The following SYT2 variants were observed in gnomAD, a reference collection of about 807,000 sequenced individuals.
SYT2 encodes synaptotagmin 2.
SYT2 carries 15 observed loss-of-function variants against 39.9 expected under a neutral mutation model. That is an observed-to-expected ratio of 0.38 (90% CI 0.25 to 0.58). The LOEUF is 0.58. Ranked by LOEUF, SYT2 falls within the 20% of genes least tolerant of loss-of-function variation. The probability of loss-of-function intolerance (pLI) is 0.70; values close to 1 mark genes in which losing one functional copy is unlikely to be tolerated. For missense variants in SYT2, 389 were observed against 530.3 expected (o/e 0.73, Z 2.62); for synonymous variants, 181 against 204.5 (o/e 0.89, Z 0.98).
At chr1:202,613,093 T>TC (rs1690933947) in intron 1 of SYT2, among the ~76,000 whole-genome samples, 1 of 88,388 alleles carries the variant, frequency 1.1e-5, no homozygotes, top group Non-Finnish European at 2.6e-5. Context: ...TTTTTTTTTT[T>TC]TTTTCCAGAC....
rs1403578201 is a variant in SYT2, at chr1:202,592,535, T to C, written c.*4222A>G. ...CCATGCGGCTATTTACAGAAAGTTA[T>C]AGACATGCATCTTGATTAAACAAGA... On this transcript the variant is annotated 3_prime_UTR_variant, in exon 9 of 9. Transcript: ENST00000367268. 3 of 152,272 alleles carry C rather than the reference T, an allele frequency of 2.0e-5. No individual in the cohort carries two copies. Among genetic ancestry groups the C allele is most frequent in the Non-Finnish European group, 4.4e-5 (3 of 68,054 alleles). 9.4% of individuals were successfully genotyped at this position (152,272 alleles called of 1,614,324 possible). A position where few individuals can be genotyped will look rare whatever the true frequency, so the allele number is the denominator to read the frequency against.
chr1:202,621,721 C>A (rs567867707), intron 1 of SYT2, among the ~76,000 whole-genome samples: 1 of 152,188 alleles, frequency 6.6e-6, no homozygotes, highest in Non-Finnish European at 1.5e-5. Context: ...ACCTGCCCCC[C>A]TCACCCTCAG....
intron 1 of SYT2, among the ~76,000 whole-genome samples, chr1:202,627,280 T>C (rs1448976938): frequency 1.3e-5 from 2 of 152,188 alleles, no homozygotes; most frequent in Non-Finnish European, 2.9e-5. Flanking sequence ...GAACGTGCCT[T>C]GTTTACGACT....
intron 1 of SYT2, among the ~76,000 whole-genome samples, chr1:202,680,439 G>T (rs1305917187): frequency 6.6e-6 from 1 of 152,164 alleles, no homozygotes; most frequent in Non-Finnish European, 1.5e-5. Flanking sequence ...CACTCTGGGA[G>T]GCCAAGGCAG....
intron 1 of SYT2, among the ~76,000 whole-genome samples, chr1:202,616,935 C>A (rs1207207967): frequency 3.3e-5 from 5 of 152,226 alleles, no homozygotes; most frequent in Non-Finnish European, 7.3e-5. Context: ...TCTCCTCTTG[C>A]TCGCCTCCAG....
At chr1:202,671,037 G>A (rs2149109179) in intron 1 of SYT2, among the ~76,000 whole-genome samples, 1 of 152,296 alleles carries the variant, frequency 6.6e-6, no homozygotes, top group Non-Finnish European at 1.5e-5. Context: ...AATCCTTTGT[G>A]ATAAGCAGCC....
intron 1 of SYT2, chr1:202,636,465 A>G: frequency 6.7e-6 from 6 of 890,674 alleles, no homozygotes; most frequent in Admixed American, 6.2e-5. Context: ...ATCCCAGGAC[A>G]TCTTGGGAGA....
rs1180268509 is a variant in SYT2 at position 202,595,813 on chromosome 1, A to C, written c.*944T>G. ...GGAGTTTAATTTTGGTCTTTCTGGT[A>C]ATGGGACTTCTGTTTCTTCATAGTT... On this transcript the variant is annotated 3_prime_UTR_variant, in exon 9 of 9. Coordinates refer to ENST00000367268, the MANE Select transcript of SYT2 (RefSeq NM_177402.5). The C allele has an allele frequency of 2.0e-5, 3 of 152,224 alleles. No homozygotes were observed. Among genetic ancestry groups the C allele is most frequent in the Admixed American group, 6.5e-5 (1 of 15,286 alleles). The allele number at this position is 152,224 out of a possible 1,614,324, so 9.4% of individuals were successfully genotyped here.
rs555751589 is a variant in SYT2 at position 202,625,418 on chromosome 1, G to A, written c.-17-19629C>T. ...GTGTGTAGTAGGGTGTGTGTGTGGC[G>A]TGGACTGGGAGTGTAAGGGGAGGGG... On this transcript the variant is annotated intron_variant, in intron 1 of 8. Coordinates refer to ENST00000367268, the MANE Select transcript of SYT2 (RefSeq NM_177402.5). Among the ~76,000 whole-genome samples, 272 of 149,942 alleles carry A rather than the reference G, an allele frequency of 1.8e-3. 2 individuals carry two copies. The highest frequency in any genetic ancestry group is 6.2e-3 in the African/African-American group (252 of 40,510).
chr1:202,610,068 G>T (rs1215105523), intron 1 of SYT2, among the ~76,000 whole-genome samples: 10 of 152,072 alleles, frequency 6.6e-5, no homozygotes, highest in Non-Finnish European at 1.3e-4. Context: ...TTTGTATAAG[G>T]TGTAAGGAAG....
At chr1:202,613,067 CCTTTTT>C (rs1213617458) in intron 1 of SYT2, among the ~76,000 whole-genome samples, 38,219 of 120,938 alleles carry the variant, frequency 0.32, 6,316 homozygotes, top group Non-Finnish European at 0.35. Context: ...ATTGGTTCTT[CCTTTTT>C]TTTTTTTTTT....
intron 1 of SYT2, among the ~76,000 whole-genome samples, chr1:202,696,461 C>A (rs1653976048): frequency 6.6e-6 from 1 of 152,204 alleles, no homozygotes; most frequent in Non-Finnish European, 1.5e-5. Context: ...TTACTTCATT[C>A]CAATGATCAT....
chr1:202,648,428 C>T (rs779287197), intron 1 of SYT2, among the ~76,000 whole-genome samples: 3 of 152,220 alleles, frequency 2.0e-5, no homozygotes, highest in Non-Finnish European at 2.9e-5. Flanking sequence ...GCGATCTGCC[C>T]ACCTTGGCCT....
At chr1:202,639,180 C>T (rs2149095575) in intron 1 of SYT2, among the ~76,000 whole-genome samples, 1 of 152,302 alleles carries the variant, frequency 6.6e-6, no homozygotes, top group South Asian at 2.1e-4. Context: ...TATGCTAGTT[C>T]TTTAATTTTC....
At chr1:202,661,228 C>T (rs532659158) in intron 1 of SYT2, among the ~76,000 whole-genome samples, 16 of 152,042 alleles carry the variant, frequency 1.1e-4, no homozygotes, top group African/African-American at 3.9e-4. Flanking sequence ...GAAGAGATAG[C>T]CCTTAGGACC....
chr1:202,696,474 T>C (rs1188886410), intron 1 of SYT2, among the ~76,000 whole-genome samples: 1 of 144,092 alleles, frequency 6.9e-6, no homozygotes, highest in Non-Finnish European at 1.6e-5. Flanking sequence ...ATGATCATAA[T>C]TGTAATTAAA....
Position 202,599,410 on chromosome 1 carries a change from G to C in SYT2, c.920-59C>G. ...CCCCTTAGCCCCCAGCCTTCCTGCCGAATGTACCAAGGCCTGCCCAGAGCA... is the reference window on the plus strand; with the variant it reads ...CCCCTTAGCCCCCAGCCTTCCTGCCCAATGTACCAAGGCCTGCCCAGAGCA... On this transcript the variant is annotated intron_variant, in intron 7 of 8. Transcript: ENST00000367268. The surrounding 1 kb of genome is among the most constrained non-coding windows in gnomAD (Gnocchi z 4.4). 6.5e-7 allele frequency: 1 copy of C among 1,540,324 alleles called. No individual in the cohort carries two copies. The highest frequency in any genetic ancestry group is 8.7e-7 in the Non-Finnish European group (1 of 1,150,512).
chr1:202,685,186 A>G lies in SYT2; in HGVS notation c.-18+25072T>C, dbSNP rs941719139. 4.6e-5 allele frequency among the ~76,000 whole-genome samples: 7 copies of G among 152,184 alleles called. No individual in the cohort carries two copies. The South Asian group carries it at 1.4e-3, about 32-fold the overall frequency. ...CCTAAGGAGTAAAATAAACTAAAAT[A>G]GAGCCATTTCCCACTCACCTGGCTG... On this transcript the variant is annotated intron_variant, in intron 1 of 8. Transcript: ENST00000367268.
intron 1 of SYT2, among the ~76,000 whole-genome samples, chr1:202,640,790 G>GAGAGAGAC (rs1691893942): frequency 6.7e-5 from 8 of 120,084 alleles, no homozygotes; most frequent in East Asian, 2.3e-4. Flanking sequence ...GAGAGAGAGA[G>GAGAGAGAC]AGACAGACAG....
Sources: gnomAD v4.1 joint callset for allele counts (sites outside exome capture counted in the v4.1 genomes callset) on GRCh38, gnomAD v4.1.1 for gene constraint, Gnocchi (gnomAD v3.1) non-coding constraint, MANE v1.5 for transcripts, NCBI Gene and HGNC (gene_info 2026-07-23, HGNC 2026-07-21) for gene names.